ATP6V1H: variants seen among roughly 807,000 people sequenced by gnomAD.
ATP6V1H encodes ATPase H+ transporting V1 subunit H, also known as V-type proton ATPase subunit H.
ATP6V1H carries 39 observed loss-of-function variants against 71.7 expected under a neutral mutation model. The ratio of observed to expected loss-of-function variants is 0.54; its 90% CI spans 0.42 to 0.71. ATP6V1H has a LOEUF of 0.71. Ranked by LOEUF, ATP6V1H falls within the 30% of genes least tolerant of loss-of-function variation. ATP6V1H has a pLI of 0.00. For synonymous variants in ATP6V1H, 192 were observed against 199.3 expected (o/e 0.96, Z 0.31); for missense variants, 509 against 594.9 (o/e 0.86, Z 1.50).
intron 12 of ATP6V1H, among the ~76,000 whole-genome samples, chr8:53,744,954 T>C (rs1348206942): frequency 2.6e-5 from 4 of 152,226 alleles, no homozygotes; most frequent in African/African-American, 9.6e-5. Flanking sequence ...CCTATGTCCC[T>C]GCAGGACACT....
At chr8:53,791,128 C>G (rs1809551524) in intron 9 of ATP6V1H, among the ~76,000 whole-genome samples, 1 of 152,012 alleles carries the variant, frequency 6.6e-6, no homozygotes, top group Non-Finnish European at 1.5e-5. Flanking sequence ...GAGCATTAAG[C>G]CCTCAGAGAA....
intron 4 of ATP6V1H, among the ~76,000 whole-genome samples, chr8:53,828,332 G>T (rs916000386): frequency 6.6e-6 from 1 of 152,204 alleles, no homozygotes; most frequent in Non-Finnish European, 1.5e-5. Context: ...CATACGGAAA[G>T]GAGAGACAAA....
intron 2 of ATP6V1H, among the ~76,000 whole-genome samples, chr8:53,833,897 C>T (rs959238696): frequency 1.3e-5 from 2 of 152,052 alleles, no homozygotes; most frequent in African/African-American, 4.8e-5. Flanking sequence ...TCACTTTCCC[C>T]GGTGGTGATG....
intron 12 of ATP6V1H, among the ~76,000 whole-genome samples, chr8:53,749,209 T>A (rs1025234282): frequency 2.0e-5 from 3 of 152,244 alleles, no homozygotes; most frequent in Admixed American, 2.0e-4. Flanking sequence ...GACATTTGTA[T>A]TTAGATTCAA....
intron 12 of ATP6V1H, among the ~76,000 whole-genome samples, chr8:53,745,744 AT>A (rs1179425288): frequency 1.3e-5 from 2 of 151,994 alleles, no homozygotes; most frequent in Admixed American, 6.5e-5. Context: ...AAAAAAAAAA[AT>A]ATGGTACTAA....
intron 5 of ATP6V1H, among the ~76,000 whole-genome samples, chr8:53,816,909 T>C (rs1415341109): frequency 6.6e-6 from 1 of 152,156 alleles, no homozygotes; most frequent in Non-Finnish European, 1.5e-5. Context: ...TATAGTAAAA[T>C]GTAGTTAACC....
chr8:53,839,843 A>G, intron 2 of ATP6V1H: 2 of 985,488 alleles, frequency 2.0e-6, no homozygotes, highest in Non-Finnish European at 2.4e-6. Context: ...CAGCTTAAAA[A>G]TCAGCTTGAA....
intron 9 of ATP6V1H, 55 bp downstream of exon 9, chr8:53,795,592 A>G (rs1809699988): frequency 5.2e-6 from 8 of 1,545,752 alleles, no homozygotes; most frequent in South Asian, 4.6e-5. Context: ...AAACTCAAAT[A>G]TACTGCACAG....
At chr8:53,815,283 T>C (rs967727505) in intron 5 of ATP6V1H, among the ~76,000 whole-genome samples, 4 of 152,204 alleles carry the variant, frequency 2.6e-5, no homozygotes, top group African/African-American at 9.6e-5. Context: ...GAAAGATTTC[T>C]CCATTTTCTT....
intron 13 of ATP6V1H, among the ~76,000 whole-genome samples, chr8:53,724,824 ATAAC>A (rs2130097674): frequency 6.6e-6 from 1 of 151,948 alleles, no homozygotes; most frequent in East Asian, 1.9e-4. Context: ...TTGAACAAAA[ATAAC>A]TATCCTTGAG....
intron 1 of ATP6V1H, among the ~76,000 whole-genome samples, chr8:53,842,119 C>T (rs1013404200): frequency 5.3e-5 from 8 of 152,172 alleles, no homozygotes; most frequent in African/African-American, 1.7e-4. Flanking sequence ...ACGGATAAGG[C>T]TAGTTTTATA....
intron 4 of ATP6V1H, among the ~76,000 whole-genome samples, chr8:53,822,629 T>C (rs997258822): frequency 6.6e-6 from 1 of 152,098 alleles, no homozygotes; most frequent in African/African-American, 2.4e-5. Context: ...ACAGTAATCA[T>C]AACACAGTAT....
At chr8:53,806,028 C>T (rs2130448182) in intron 7 of ATP6V1H, among the ~76,000 whole-genome samples, 1 of 152,108 alleles carries the variant, frequency 6.6e-6, no homozygotes, top group South Asian at 2.1e-4. Flanking sequence ...ATTTATCTCG[C>T]TGAACATTTA....
intron 13 of ATP6V1H, among the ~76,000 whole-genome samples, chr8:53,716,614 G>C (rs938610766): frequency 3.3e-5 from 5 of 152,158 alleles, no homozygotes; most frequent in Non-Finnish European, 7.4e-5. Context: ...ACACAGAGAC[G>C]GTCAGCCCAG....
At chr8:53,764,989 T>C (rs530570861) in intron 11 of ATP6V1H, among the ~76,000 whole-genome samples, 2 of 152,242 alleles carry the variant, frequency 1.3e-5, no homozygotes, top group South Asian at 2.1e-4. Context: ...CCTGTAGTCC[T>C]AGCTGCTCAA....
intron 7 of ATP6V1H, among the ~76,000 whole-genome samples, chr8:53,806,591 A>C (rs972399505): frequency 1.3e-5 from 2 of 152,180 alleles, no homozygotes. Flanking sequence ...ATAACTAAAA[A>C]AAAGTGATTT....
At chr8:53,841,302 T>C (rs991827019) in intron 2 of ATP6V1H, among the ~76,000 whole-genome samples, 1 of 152,148 alleles carries the variant, frequency 6.6e-6, no homozygotes, top group Admixed American at 6.6e-5. Context: ...CCCAAGGACA[T>C]TCCTCCTATG....
intron 4 of ATP6V1H, among the ~76,000 whole-genome samples, chr8:53,822,618 C>T (rs1810697500): frequency 6.6e-6 from 1 of 151,918 alleles, no homozygotes; most frequent in Non-Finnish European, 1.5e-5. Flanking sequence ...TAGTAATGCA[C>T]ACAGTAATCA....
At chr8:53,758,605 G>A (rs1808153978) in intron 11 of ATP6V1H, among the ~76,000 whole-genome samples, 1 of 152,212 alleles carries the variant, frequency 6.6e-6, no homozygotes. Flanking sequence ...ACTAATTGGA[G>A]TGCATATTCA....
Sources: gnomAD v4.1 joint callset for allele counts (sites outside exome capture counted in the v4.1 genomes callset) on GRCh38, gnomAD v4.1.1 for gene constraint, MANE v1.5 for transcripts, NCBI Gene and HGNC (gene_info 2026-07-23, HGNC 2026-07-21) for gene names.